PIGS: variants seen among roughly 807,000 people sequenced by gnomAD.
PIGS encodes phosphatidylinositol glycan anchor biosynthesis class S.
In PIGS, 37 loss-of-function variants were observed where a neutral mutation model predicts 58.2. The ratio of observed to expected loss-of-function variants is 0.64; its 90% CI spans 0.49 to 0.84. The LOEUF (loss-of-function observed/expected upper bound fraction) is 0.84. PIGS is among the 40% of genes least tolerant of loss of function. The probability of loss-of-function intolerance (pLI) is 0.00; values close to 1 mark genes in which losing one functional copy is unlikely to be tolerated. For missense variants in PIGS, 629 were observed against 710.8 expected, an observed-to-expected ratio of 0.88 and a Z score of 1.31; for synonymous variants, 269 against 289.2, an observed-to-expected ratio of 0.93 and a Z score of 0.71.
intron 8 of PIGS, 95 bp downstream of exon 8, chr17:28,558,380 TA>T: frequency 1.0e-6 from 1 of 988,962 alleles, no homozygotes; most frequent in Non-Finnish European, 1.5e-6. Context: ...TCACTGTATA[TA>T]ATCCACCTCC....
chr17:28,563,576 C>A (rs1443040242), intron 4 of PIGS, 54 bp from the exon 5 acceptor site: 6 of 1,534,902 alleles, frequency 3.9e-6, no homozygotes, highest in Non-Finnish European at 5.4e-6. Context: ...CCATCTCCCC[C>A]CAGCCCCAAA....
intron 7 of PIGS, among the ~76,000 whole-genome samples, chr17:28,559,250 C>T (rs1384607386): frequency 4.6e-5 from 7 of 151,774 alleles, no homozygotes; most frequent in Non-Finnish European, 1.0e-4. Context: ...GCTGGGATTA[C>T]AGGCGTGAGC....
intron 4 of PIGS, 103 bp from the exon 5 acceptor site, chr17:28,563,625 A>C: frequency 1.6e-6 from 2 of 1,261,476 alleles, no homozygotes; most frequent in Non-Finnish European, 2.3e-6. Flanking sequence ...TTCAGCTGAC[A>C]CAGTGGTCAG....
chr17:28,561,752 A>AATCTCAAGAGAG, intron 5 of PIGS, 123 bp from the exon 6 acceptor site: 2 of 864,454 alleles, frequency 2.3e-6, no homozygotes, highest in Non-Finnish European at 3.5e-6. Flanking sequence ...ACCTCTCTTG[A>AATCTCAAGAGAG]GATTCATGAG....
At chr17:28,555,363 A>C (rs1170269363) in intron 10 of PIGS, 2 of 360,380 alleles carry the variant, frequency 5.5e-6, no homozygotes, top group African/African-American at 2.2e-5. Context: ...ACTCAGTTTA[A>C]TCCTTTCACC....
intron 7 of PIGS, among the ~76,000 whole-genome samples, chr17:28,559,766 G>A (rs899009959): frequency 1.3e-5 from 2 of 151,162 alleles, no homozygotes; most frequent in Non-Finnish European, 2.9e-5. Flanking sequence ...GGTGAGTACA[G>A]GTCTAGAGGG....
intron 11 of PIGS, 114 bp downstream of exon 11, chr17:28,554,737 A>C: frequency 7.1e-7 from 1 of 1,418,294 alleles, no homozygotes; most frequent in Non-Finnish European, 9.9e-7. Flanking sequence ...GGGACACTAA[A>C]GATGGCAAGC....
intron 3 of PIGS, among the ~76,000 whole-genome samples, chr17:28,566,146 C>T (rs963861562): frequency 6.6e-6 from 1 of 150,430 alleles, no homozygotes; most frequent in African/African-American, 2.5e-5. Flanking sequence ...GGTAAGAGGA[C>T]CACTTGAACC....
At chr17:28,559,813 A>G (rs142672917) in intron 7 of PIGS, among the ~76,000 whole-genome samples, 1 of 152,226 alleles carries the variant, frequency 6.6e-6, no homozygotes, top group East Asian at 1.9e-4. Flanking sequence ...AGCACTGACA[A>G]ACTCTCTCAA....
intron 3 of PIGS, among the ~76,000 whole-genome samples, chr17:28,564,309 T>G (rs1289937030): frequency 2.6e-5 from 4 of 152,214 alleles, no homozygotes; most frequent in African/African-American, 9.6e-5. Flanking sequence ...GGCTCATGCT[T>G]GTAATCCCAG....
chr17:28,556,669 G>T, intron 9 of PIGS, 158 bp downstream of exon 9: 1 of 941,742 alleles, frequency 1.1e-6, no homozygotes, highest in Non-Finnish European at 1.6e-6. Context: ...GGCAGAAGAG[G>T]GGCATGAGCA....
intron 5 of PIGS, among the ~76,000 whole-genome samples, chr17:28,562,329 T>C (rs2070368979): frequency 6.6e-6 from 1 of 152,188 alleles, no homozygotes; most frequent in African/African-American, 2.4e-5. Flanking sequence ...AGTATAACCA[T>C]GGAAGTACAC....
chr17:28,560,440 T>TC (rs1176310631), intron 6 of PIGS: 1 of 424,840 alleles, frequency 2.4e-6, no homozygotes, highest in African/African-American at 2.1e-5. Context: ...GGCCAGCACT[T>TC]CAAGACCAGC....
At chr17:28,570,273 G>T (rs2070419124) in intron 3 of PIGS, among the ~76,000 whole-genome samples, 1 of 152,248 alleles carries the variant, frequency 6.6e-6, no homozygotes, top group South Asian at 2.1e-4. Context: ...CACTTTGGGA[G>T]GCTGAGGCAT....
chr17:28,561,076 T>C (rs1447383003), intron 6 of PIGS, among the ~76,000 whole-genome samples: 1 of 151,920 alleles, frequency 6.6e-6, no homozygotes, highest in Non-Finnish European at 1.5e-5. Context: ...GCTAACACAG[T>C]GAAACCCCGT....
chr17:28,567,270 C>G (rs911914115), intron 3 of PIGS, among the ~76,000 whole-genome samples: 1 of 152,092 alleles, frequency 6.6e-6, no homozygotes, highest in African/African-American at 2.4e-5. Flanking sequence ...TATTCTCATC[C>G]AAAAAATTGA....
chr17:28,566,174 A>G (rs2070392625), intron 3 of PIGS, among the ~76,000 whole-genome samples: 1 of 148,510 alleles, frequency 6.7e-6, no homozygotes. Flanking sequence ...TCAAGGTTAC[A>G]GTGAGCTATG....
chr17:28,566,152 G>T, intron 3 of PIGS, among the ~76,000 whole-genome samples: 1 of 146,458 alleles, frequency 6.8e-6, no homozygotes, highest in African/African-American at 2.5e-5. Flanking sequence ...AGGACCACTT[G>T]AACCCAGGAG....
At chr17:28,555,353 A>C in intron 10 of PIGS, 1 of 384,840 alleles carries the variant, frequency 2.6e-6, no homozygotes, top group African/African-American at 2.1e-5. Flanking sequence ...GATAACACCA[A>C]CTCAGTTTAA....
Sources: gnomAD v4.1 joint callset for allele counts (sites outside exome capture counted in the v4.1 genomes callset) on GRCh38, gnomAD v4.1.1 for gene constraint, MANE v1.5 for transcripts, NCBI Gene and HGNC (gene_info 2026-07-23, HGNC 2026-07-21) for gene names.